The following FCHO1 variants were observed in gnomAD, a reference collection of about 807,000 sequenced individuals.
FCHO1 encodes the protein F-BAR domain only protein 1.
FCHO1 carries 45 observed loss-of-function variants against 114.4 expected under a neutral mutation model. The observed-to-expected ratio is 0.39, with a 90% CI of 0.31 to 0.50. The LOEUF is 0.50. Ranked by LOEUF, FCHO1 falls within the 20% of genes least tolerant of loss-of-function variation. FCHO1 has a pLI of 0.77. For synonymous variants in FCHO1, 480 were observed against 488.9 expected (o/e 0.98, Z 0.24); for missense variants, 1,042 against 1,209.6 (o/e 0.86, Z 2.06).
chr19:17,748,320 T>A (rs1599486977), upstream of FCHO1, among the ~76,000 whole-genome samples: 1 of 151,944 alleles, frequency 6.6e-6, no homozygotes, highest in South Asian at 2.1e-4. Flanking sequence ...GGAGCTGGGG[T>A]GTCACCTGGC....
rs1395463382 is a variant in FCHO1, at chr19:17,784,970, T to C, written c.2426+46T>C. On this transcript the variant is annotated intron_variant, in intron 26 of 28. Transcript: ENST00000596536. This position sits in a 1 kb window ranked among gnomAD's most constrained non-coding sequence, Gnocchi z 5.3. Reference sequence around the variant, plus strand: ...AAGGAAAACTCAGCAGTTTCCCCCATAACCCCAGACCTTCTCCCTGATGCA... The same window carrying C: ...AAGGAAAACTCAGCAGTTTCCCCCACAACCCCAGACCTTCTCCCTGATGCA... 9 of 1,581,334 alleles carry C rather than the reference T, an allele frequency of 5.7e-6. No individual in the cohort carries two copies. The highest frequency in any genetic ancestry group is 7.7e-6 in the Non-Finnish European group (9 of 1,163,516).
At chr19:17,767,752 A>G (rs1417146526) in intron 7 of FCHO1, among the ~76,000 whole-genome samples, 1 of 146,944 alleles carries the variant, frequency 6.8e-6, no homozygotes, top group African/African-American at 2.5e-5. Context: ...TGTGCCTGTC[A>G]TCTGTGGCTG....
chr19:17,762,594 T>G (rs1025325717), intron 4 of FCHO1, 168 bp from the exon 5 acceptor site: 1 of 667,026 alleles, frequency 1.5e-6, no homozygotes. Context: ...TTAAGGTCCA[T>G]AGACAATCCC....
intron 26 of FCHO1, among the ~76,000 whole-genome samples, 180 bp from the exon 27 acceptor site, chr19:17,786,394 C>T (rs1228807035): frequency 6.6e-6 from 1 of 151,978 alleles, no homozygotes; most frequent in Non-Finnish European, 1.5e-5. Context: ...AGAAGTGTTG[C>T]AAGGCTGTGT....
intron 5 of FCHO1, among the ~76,000 whole-genome samples, chr19:17,764,033 A>G (rs915829874): frequency 6.9e-5 from 10 of 144,268 alleles, no homozygotes; most frequent in Admixed American, 6.7e-4. Context: ...GGTGTCTGAA[A>G]GCTTCTTCAT....
Position 17,775,907 on chromosome 19 carries a change from G to A in FCHO1, c.1004-76G>A. ...GGACCTCGAAGGGTTTGAGCAGGGA[G>A]GGACGAGGCTGGATTGGAGAGCTGA... On this transcript the variant is annotated intron_variant, in intron 15 of 28. Coordinates refer to ENST00000596536, the MANE Select transcript of FCHO1 (RefSeq NM_015122.3). The surrounding 1 kb of genome is among the most constrained non-coding windows in gnomAD (Gnocchi z 5.1). The A allele has an allele frequency of 6.5e-7, 1 of 1,542,410 alleles. No homozygotes were observed. The highest frequency in any genetic ancestry group is 8.8e-7 in the Non-Finnish European group (1 of 1,140,532).
chr19:17,772,575 G>T lies in FCHO1; in HGVS notation c.693+20G>T, dbSNP rs1256350706. On this transcript the variant is annotated intron_variant, in intron 10 of 28. Coordinates refer to ENST00000596536, the MANE Select transcript of FCHO1 (RefSeq NM_015122.3). ...GGGCAGGTGAGTTGGGCAGGTGTGA[G>T]GAATGAGGCTGGGGTCACTGCTGGG... The T allele has an allele frequency of 6.2e-7, 1 of 1,613,942 alleles. No homozygotes were observed. Among genetic ancestry groups the T allele is most frequent in the East Asian group, 2.2e-5 (1 of 44,876 alleles).
In FCHO1 at chr19:17,766,775, C is replaced by T. The variant is rs755561445; in HGVS notation, c.301C>T (p.Arg101Cys). 1.9e-6 allele frequency: 3 copies of T among 1,614,148 alleles called. No homozygotes were observed. Among genetic ancestry groups the T allele is most frequent in the South Asian group, 2.2e-5 (2 of 91,066 alleles). Reference protein sequence around the residue: ...KLQDLIKDVLRYGEEQLKTHK... With the variant: ...KLQDLIKDVLCYGEEQLKTHK... ...ACAGGATCTCATCAAGGACGTTCTC[C>T]GCTACGGCGAGGAACAGCTCAAGAC... The change falls in exon 7 of 29, where the codon CGC (arginine) becomes TGC (cysteine). Residue 101 changes from arginine to cysteine, a missense_variant. This residue lies in a region of FCHO1 where 450 missense variants were observed against 564.1 expected (regional missense o/e 0.80). Coordinates refer to ENST00000596536, the MANE Select transcript of FCHO1 (RefSeq NM_015122.3).
chr19:17,781,111 C>T (rs2093364997), intron 20 of FCHO1, 120 bp from the exon 21 acceptor site: 1 of 690,250 alleles, frequency 1.4e-6, no homozygotes, highest in South Asian at 1.8e-5. Context: ...GACTTCAGAC[C>T]CATTGGGGGT....
chr19:17,772,942 C>T (rs980991919), intron 11 of FCHO1, among the ~76,000 whole-genome samples: 4 of 152,266 alleles, frequency 2.6e-5, no homozygotes, highest in South Asian at 2.1e-4. Flanking sequence ...GGATTACAGG[C>T]GTGAGCCACT....
rs139347514 is a variant in FCHO1, at chr19:17,784,859, C to T, written c.2361C>T (p.Asn787=). 9.3e-4 allele frequency: 1,504 copies of T among 1,613,740 alleles called. 3 individuals are homozygous for T. The highest frequency in any genetic ancestry group is 1.1e-3 in the Non-Finnish European group (1,292 of 1,180,030). The change falls in exon 26 of 29, where the codon AAC becomes AAT. Residue 787 remains asparagine (N), a synonymous_variant. Transcript: ENST00000596536. The surrounding 1 kb of genome is among the most constrained non-coding windows in gnomAD (Gnocchi z 5.3). Reference sequence around the variant, plus strand: ...CGGCTGTGCCCACACCACTCACGAACGTCCAGATCCTGCTGCCTGTGGGGG... The same window carrying T: ...CGGCTGTGCCCACACCACTCACGAATGTCCAGATCCTGCTGCCTGTGGGGG... ...GATAVPTPLT[N]VQILLPVGEP...
chr19:17,775,367 TG>T lies in FCHO1; in HGVS notation c.946-84del. On this transcript the variant is annotated intron_variant, in intron 14 of 28. Coordinates refer to ENST00000596536, the MANE Select transcript of FCHO1 (RefSeq NM_015122.3). This position sits in a 1 kb window ranked among gnomAD's most constrained non-coding sequence, Gnocchi z 5.1. ...TGGTTTTGAGGTCTGAGTCAAGGCC[TG>T]GGGGCAGGGCGGGGGGCGGTTGGCA... 7.3e-7 allele frequency: 1 copy of T among 1,366,200 alleles called. No individual in the cohort carries two copies. Among genetic ancestry groups the T allele is most frequent in the Non-Finnish European group, 1.0e-6 (1 of 955,850 alleles). The allele number at this position is 1,366,200 out of a possible 1,614,324, so 84.6% of individuals were successfully genotyped here.
In FCHO1 at chr19:17,766,813, G is replaced by A; in HGVS notation, c.336+3G>A. 6.2e-7 allele frequency: 1 copy of A among 1,611,412 alleles called. No individual in the cohort carries two copies. Among genetic ancestry groups the A allele is most frequent in the Non-Finnish European group, 8.5e-7 (1 of 1,177,760 alleles). ...AACAGCTCAAGACCCACAAGAAGGT[G>A]TGTGTCGTGGGCGCCGCCCAGCGGC... On this transcript the variant is annotated splice_donor_region_variant and intron_variant, in intron 7 of 28. Coordinates refer to ENST00000596536, the MANE Select transcript of FCHO1 (RefSeq NM_015122.3).
intron 4 of FCHO1, among the ~76,000 whole-genome samples, chr19:17,758,031 CA>C (rs1271667889): frequency 3.4e-5 from 5 of 147,788 alleles, no homozygotes; most frequent in African/African-American, 1.3e-4. Flanking sequence ...CTGGCTAACA[CA>C]GTGAAACCCC....
At chr19:17,770,293 C>T in intron 7 of FCHO1, 132 bp from the exon 8 acceptor site, 3 of 867,306 alleles carry the variant, frequency 3.5e-6, no homozygotes, top group Non-Finnish European at 5.1e-6. Flanking sequence ...AAGAGCGAAA[C>T]TCTGTCTAAA....
rs1350007162 is a variant in FCHO1, at chr19:17,772,477, G to A, written c.615G>A (p.Glu205=). 7.4e-6 allele frequency: 12 copies of A among 1,613,942 alleles called. No individual in the cohort carries two copies. Among genetic ancestry groups the A allele is most frequent in the Non-Finnish European group, 1.0e-5 (12 of 1,180,020 alleles). The change falls in exon 10 of 29, where the codon GAG becomes GAA. Residue 205 remains glutamate, a synonymous_variant. Coordinates refer to ENST00000596536, the MANE Select transcript of FCHO1 (RefSeq NM_015122.3). ...TTCAGCGCTTCCAAGCCATGGAGGA[G>A]ACACACCTGAGGCACATGAAGGCAC... ...DSALRFQAME[E]THLRHMKALL...
chr19:17,778,629 A>G lies in FCHO1; in HGVS notation c.1372A>G (p.Thr458Ala), dbSNP rs773415638. 5.7e-6 allele frequency: 9 copies of G among 1,570,172 alleles called. No homozygotes were observed. The highest frequency in any genetic ancestry group is 1.4e-5 in the African/African-American group (1 of 73,606). ...DFTGSSSLGF[T>A]SSPSPFSSSS... is the part of the protein sequence containing the mutation. ...CCAAGGCTCTAGCAGCCTGGGCTTC[A>G]CCTCCAGCCCCTCCCCTTTCTCCTC... The change falls in exon 20 of 29, where the codon ACC becomes GCC. Residue 458 changes from threonine to alanine, a missense_variant. Around this residue, in one of 3 missense-constraint regions of FCHO1, gnomAD observed 455 missense variants for 455.4 expected, o/e 1.00. Coordinates refer to ENST00000596536, the MANE Select transcript of FCHO1 (RefSeq NM_015122.3).
intron 28 of FCHO1, 64 bp downstream of exon 28, chr19:17,787,910 G>A (rs550009492): frequency 6.5e-7 from 1 of 1,538,714 alleles, no homozygotes; most frequent in Non-Finnish European, 8.8e-7. Context: ...CAAGCCCCGG[G>A]GTGTGGGGAG....
rs1283126895 is a variant in FCHO1, at chr19:17,784,497, G to A, written c.2227-228G>A. On this transcript the variant is annotated intron_variant, in intron 25 of 28. Coordinates refer to ENST00000596536, the MANE Select transcript of FCHO1 (RefSeq NM_015122.3). This position sits in a 1 kb window ranked among gnomAD's most constrained non-coding sequence, Gnocchi z 5.3. The stretch of plus-strand genomic sequence containing the variant: ...TGTGAACTAGAAGCAGCCCAGCCCC[G>A]GAACCTTACACTTGAACTTCCCTGG... 2.0e-5 allele frequency among the ~76,000 whole-genome samples: 3 copies of A among 152,076 alleles called. No homozygotes were observed. The highest frequency in any genetic ancestry group is 4.4e-5 in the Non-Finnish European group (3 of 68,012).
Sources: allele counts gnomAD v4.1 joint callset (sites outside exome capture counted in the v4.1 genomes callset), GRCh38; gene constraint gnomAD v4.1.1; regional missense constraint gnomAD v4.1.1; non-coding constraint Gnocchi (gnomAD v3.1); transcripts MANE v1.5; gene names NCBI Gene and HGNC (gene_info 2026-07-23, HGNC 2026-07-21).